Variants in SSUH2 observed in about 807,000 individuals in gnomAD.
The protein encoded by SSUH2 is protein SSUH2 homolog.
Under a neutral mutation model 55.3 loss-of-function variants are expected in SSUH2, and 47 were observed. That is an observed-to-expected ratio of 0.85 (90% CI 0.67 to 1.08). The LOEUF (loss-of-function observed/expected upper bound fraction) is 1.08. SSUH2 is among the 50% of genes least tolerant of loss of function. The pLI, the probability that SSUH2 is intolerant of heterozygous loss-of-function variation, is 0.00. For synonymous variants in SSUH2, 212 were observed against 191.5 expected (o/e 1.11, Z -0.89); for missense variants, 535 against 490.7 (o/e 1.09, Z -0.85).
intron 1 of SSUH2, among the ~76,000 whole-genome samples, chr3:8,638,799 T>C (rs1700354448): frequency 6.6e-6 from 1 of 152,118 alleles, no homozygotes; most frequent in Non-Finnish European, 1.5e-5. Flanking sequence ...ATATCAAGCA[T>C]AGAAAGACTG....
chr3:8,640,035 TCACACA>T (rs1329959568), intron 1 of SSUH2: 24 of 983,624 alleles, frequency 2.4e-5, no homozygotes, highest in Non-Finnish European at 2.9e-5. Context: ...GTGGTCAAAC[TCACACA>T]CACAAAGTAG....
At chr3:8,652,710 G>T (rs772602427) in intron 7 of SSUH2, among the ~76,000 whole-genome samples, 5 of 152,110 alleles carry the variant, frequency 3.3e-5, no homozygotes, top group Admixed American at 6.5e-5. Context: ...TATGTATACA[G>T]TTTCCCCCAT....
intron 1 of SSUH2, among the ~76,000 whole-genome samples, chr3:8,641,102 C>T (rs772984777): frequency 2.0e-5 from 3 of 152,162 alleles, no homozygotes; most frequent in Non-Finnish European, 4.4e-5. Flanking sequence ...ACTGGGCACC[C>T]CCTCCAGACT....
chr3:8,678,339 G>C (rs898300273), intron 2 of SSUH2, among the ~76,000 whole-genome samples: 4 of 152,080 alleles, frequency 2.6e-5, no homozygotes, highest in African/African-American at 9.7e-5. Flanking sequence ...ATTATGGGGA[G>C]TCATATCTGT....
intron 8 of SSUH2, among the ~76,000 whole-genome samples, chr3:8,626,675 T>G (rs1339851949): frequency 6.6e-6 from 1 of 152,018 alleles, no homozygotes; most frequent in Non-Finnish European, 1.5e-5. Flanking sequence ...ATGAGATCTG[T>G]CCCAGGATGT....
chr3:8,650,042 G>A (rs977188351), intron 7 of SSUH2, among the ~76,000 whole-genome samples: 4 of 152,014 alleles, frequency 2.6e-5, no homozygotes, highest in African/African-American at 9.7e-5. Flanking sequence ...CCACCTCAGG[G>A]CCTTTGCACT....
chr3:8,629,443 A>T (rs913846158), intron 7 of SSUH2: 5 of 569,286 alleles, frequency 8.8e-6, no homozygotes, highest in Non-Finnish European at 1.6e-5. Context: ...TAAGAGAAAA[A>T]TTAAAATCGA....
rs143797337 is a variant in SSUH2, at chr3:8,664,331, A to T, written c.-454-529T>A. Among the ~76,000 whole-genome samples, 576 of 152,346 alleles carry T rather than the reference A, an allele frequency of 3.8e-3. 3 individuals are homozygous for T. Among genetic ancestry groups the T allele is most frequent in the African/African-American group, 0.013 (545 of 41,596 alleles). On this transcript the variant is annotated intron_variant, in intron 5 of 18. Transcript: ENST00000317371. ...TCTGCCACAGATCCATGGGGCAGGA[A>T]TGCCATCGCCATCTTCATGAAGCAT... is the stretch of plus-strand genomic sequence containing the variant.
chr3:8,645,824 C>T (rs1003152106), upstream of SSUH2, among the ~76,000 whole-genome samples: 1 of 152,208 alleles, frequency 6.6e-6, no homozygotes, highest in Admixed American at 6.5e-5. Context: ...CCATAAAGAG[C>T]GTGTCTTTAT....
intron 5 of SSUH2, among the ~76,000 whole-genome samples, chr3:8,631,614 A>T (rs1698796641): frequency 6.6e-6 from 1 of 152,062 alleles, no homozygotes; most frequent in African/African-American, 2.4e-5. Flanking sequence ...GAGGACATAG[A>T]TCTTCCCAAA....
At chr3:8,630,327 G>C (rs894833822) in intron 6 of SSUH2, among the ~76,000 whole-genome samples, 3 of 152,176 alleles carry the variant, frequency 2.0e-5, no homozygotes, top group African/African-American at 7.2e-5. Context: ...TCGTGTTTTT[G>C]TAATCCACTA....
At chr3:8,627,568 A>C (rs549084219) in intron 8 of SSUH2, 130 bp downstream of exon 8, 41 of 625,042 alleles carry the variant, frequency 6.6e-5, no homozygotes, top group Non-Finnish European at 8.4e-5. Flanking sequence ...CAGAGCACCT[A>C]CTACGTGCAG....
intron 2 of SSUH2, among the ~76,000 whole-genome samples, chr3:8,677,933 G>A (rs917078184): frequency 2.0e-5 from 3 of 150,848 alleles, no homozygotes; most frequent in Non-Finnish European, 4.4e-5. Context: ...TTTCACAGAC[G>A]GATGTACACC....
intron 3 of SSUH2, chr3:8,634,264 T>C (rs562837471): frequency 1.7e-5 from 12 of 710,338 alleles, no homozygotes; most frequent in Non-Finnish European, 2.1e-5. Context: ...CCAGGGCTGA[T>C]GGCAGCGCCC....
Position 8,634,593 on chromosome 3 carries a change from C to T in SSUH2, c.209+707G>A, listed in dbSNP as rs996992641. On this transcript the variant is annotated intron_variant, in intron 3 of 11. Transcript: ENST00000544814. Reference sequence around the variant, plus strand: ...GATCCATGGATGGCAGCACAAGAGACACTGTGGGCTGGAGAGGCCAGAGAT... The same window carrying T: ...GATCCATGGATGGCAGCACAAGAGATACTGTGGGCTGGAGAGGCCAGAGAT... The T allele has an allele frequency of 6.2e-6, 8 of 1,289,602 alleles. No individual in the cohort carries two copies. In the Admixed American group the frequency reaches 1.4e-4, roughly 22 times the overall value. 79.9% of individuals were successfully genotyped at this position (1,289,602 alleles called of 1,614,324 possible). A position where few individuals can be genotyped will look rare whatever the true frequency, so the allele number is the denominator to read the frequency against.
rs1457862160 is a variant in SSUH2, at chr3:8,630,901, G to A, written c.429C>T (p.Gly143=). 9.6e-6 allele frequency: 14 copies of A among 1,456,860 alleles called. No individual in the cohort carries two copies. The highest frequency in any genetic ancestry group is 2.9e-5 in the African/African-American group (2 of 68,406). The allele number at this position is 1,456,860 out of a possible 1,614,324, so 90.2% of individuals were successfully genotyped here. Residue 143 remains glycine, a synonymous_variant, in exon 6 of 12, where the codon GGC becomes GGT. Transcript: ENST00000544814. ...TGATGTCCCAGAGCCTGGGGGAGGC[G>A]CCTCTTTGCGGCCCATCCACAGAGT... is the stretch of plus-strand genomic sequence containing the variant. ...TNHSVDGPQR[G]ASPRLWDIKV...
intron 5 of SSUH2, among the ~76,000 whole-genome samples, chr3:8,665,241 G>A (rs1189374246): frequency 6.6e-6 from 1 of 152,114 alleles, no homozygotes; most frequent in Non-Finnish European, 1.5e-5. Context: ...GAAATGAATT[G>A]GAAGAAAAGG....
intron 3 of SSUH2, among the ~76,000 whole-genome samples, chr3:8,674,526 C>A (rs753853279): frequency 1.2e-4 from 19 of 152,234 alleles, no homozygotes; most frequent in Non-Finnish European, 2.2e-4. Flanking sequence ...AGTAACCGCC[C>A]CGGTCACCCC....
intron 7 of SSUH2, among the ~76,000 whole-genome samples, chr3:8,652,233 G>A (rs753457581): frequency 6.6e-6 from 1 of 152,158 alleles, no homozygotes; most frequent in Non-Finnish European, 1.5e-5. Context: ...AGCCCTCCTC[G>A]GGATCTCTCT....
Sources: gnomAD v4.1 joint callset for allele counts (sites outside exome capture counted in the v4.1 genomes callset) on GRCh38, gnomAD v4.1.1 for gene constraint, MANE v1.5 for transcripts, NCBI Gene and HGNC (gene_info 2026-07-23, HGNC 2026-07-21) for gene names.